The following FAM107B variants were observed in gnomAD, a reference collection of about 807,000 sequenced individuals.
The protein encoded by FAM107B is family with sequence similarity 107 member B, also known as protein FAM107B.
A neutral mutation model predicts 31.5 loss-of-function variants in FAM107B; 21 were observed. The ratio of observed to expected loss-of-function variants is 0.67; its 90% CI spans 0.47 to 0.96. The LOEUF (loss-of-function observed/expected upper bound fraction) is 0.96, where lower values mean the gene tolerates loss of function less well. FAM107B is among the 40% of genes least tolerant of loss of function. The pLI is 0.00. For missense variants in FAM107B, 452 were observed against 377.1 expected (o/e 1.20, Z -1.64); for synonymous variants, 157 against 141.5 (o/e 1.11, Z -0.78).
chr10:14,564,096 A>G (rs1850462203), intron 2 of FAM107B, among the ~76,000 whole-genome samples: 1 of 152,212 alleles, frequency 6.6e-6, no homozygotes, highest in South Asian at 2.1e-4. Flanking sequence ...ACATAGTAAA[A>G]TATCAATAGA....
intron 2 of FAM107B, among the ~76,000 whole-genome samples, chr10:14,611,454 A>G (rs752679015): frequency 4.7e-5 from 7 of 147,438 alleles, no homozygotes; most frequent in Non-Finnish European, 1.5e-5. Flanking sequence ...TGGAATGCTT[A>G]TATTATTAAT....
intron 1 of FAM107B, among the ~76,000 whole-genome samples, chr10:14,740,714 G>T (rs1392898086): frequency 6.6e-6 from 1 of 152,166 alleles, no homozygotes; most frequent in Admixed American, 6.5e-5. Context: ...GACAGTAAGA[G>T]GGGATTATGG....
rs59782461 is a variant in FAM107B at position 14,531,539 on chromosome 10, GAAA to G, written c.470-1027_470-1025del. On this transcript the variant is annotated intron_variant, in intron 2 of 4. Coordinates refer to ENST00000181796, the MANE Select transcript of FAM107B (RefSeq NM_031453.4). ...AAGACCTCATATCTCTAAAAGAAAA[GAAA>G]AAAAAAAAAAAAAAAGAGGCTGGGC... Among the ~76,000 whole-genome samples, 361 of 120,678 alleles carry G rather than the reference GAAA, an allele frequency of 3.0e-3. 1 individual carries two copies. The highest frequency in any genetic ancestry group is 5.7e-3 in the African/African-American group (189 of 33,230). The allele number at this position is 120,678 out of a possible 152,430, so 79.2% of individuals were successfully genotyped here.
chr10:14,554,420 G>A (rs1031714245), intron 2 of FAM107B, among the ~76,000 whole-genome samples: 2 of 152,156 alleles, frequency 1.3e-5, no homozygotes, highest in African/African-American at 2.4e-5. Flanking sequence ...ACTCAGACTG[G>A]GCAGGAGGAA....
At chr10:14,636,550 C>T (rs920651446) in intron 2 of FAM107B, among the ~76,000 whole-genome samples, 1 of 152,134 alleles carries the variant, frequency 6.6e-6, no homozygotes, top group African/African-American at 2.4e-5. Flanking sequence ...TCTAAATATT[C>T]TCTTTTTCTA....
At chr10:14,760,385 C>T (rs796874859) in intron 1 of FAM107B, among the ~76,000 whole-genome samples, 4 of 152,184 alleles carry the variant, frequency 2.6e-5, no homozygotes, top group African/African-American at 9.6e-5. Context: ...AGAGCAACTG[C>T]TTATACAGAA....
At chr10:14,560,651 A>G (rs1349254130) in intron 2 of FAM107B, among the ~76,000 whole-genome samples, 1 of 152,166 alleles carries the variant, frequency 6.6e-6, no homozygotes, top group Non-Finnish European at 1.5e-5. Flanking sequence ...GACAGGTATG[A>G]GGGACACTGT....
chr10:14,590,061 G>A (rs1851965960), intron 2 of FAM107B, among the ~76,000 whole-genome samples: 1 of 152,174 alleles, frequency 6.6e-6, no homozygotes, highest in East Asian at 1.9e-4. Flanking sequence ...TCCAGGATGA[G>A]TTTTGGTTCC....
At chr10:14,727,724 C>T (rs2131556493) in intron 1 of FAM107B, among the ~76,000 whole-genome samples, 1 of 152,280 alleles carries the variant, frequency 6.6e-6, no homozygotes, top group Admixed American at 6.5e-5. Context: ...AATCACTTCC[C>T]CACTCTCCCA....
At chr10:14,549,484 T>G (rs893498045) in intron 2 of FAM107B, among the ~76,000 whole-genome samples, 4 of 152,230 alleles carry the variant, frequency 2.6e-5, no homozygotes, top group Non-Finnish European at 4.4e-5. Flanking sequence ...TAAGGGGGCT[T>G]TGGCAAAAGT....
intron 1 of FAM107B, among the ~76,000 whole-genome samples, chr10:14,712,731 C>A (rs1855681805): frequency 6.6e-6 from 1 of 152,040 alleles, no homozygotes; most frequent in African/African-American, 2.4e-5. Context: ...TTTTAAAAAA[C>A]AACATAACAT....
At chr10:14,676,239 G>C (rs61255706) in intron 1 of FAM107B, among the ~76,000 whole-genome samples, 6,444 of 152,248 alleles carry the variant, frequency 0.042, 459 homozygotes, top group African/African-American at 0.15. Flanking sequence ...TGAATAGTCT[G>C]TTACTGGACG....
intron 2 of FAM107B, among the ~76,000 whole-genome samples, chr10:14,585,228 G>A (rs1320244001): frequency 6.6e-6 from 1 of 152,000 alleles, no homozygotes; most frequent in Non-Finnish European, 1.5e-5. Context: ...TGCTTTGTTT[G>A]TGCGTTTTGT....
intron 1 of FAM107B, among the ~76,000 whole-genome samples, chr10:14,765,842 G>A (rs1011027201): frequency 4.6e-5 from 7 of 152,150 alleles, no homozygotes; most frequent in African/African-American, 1.7e-4. Flanking sequence ...TCATTCTAAA[G>A]AAATGCAGGA....
chr10:14,713,705 T>C (rs184914776), intron 1 of FAM107B, among the ~76,000 whole-genome samples: 1 of 152,260 alleles, frequency 6.6e-6, no homozygotes, highest in Admixed American at 6.5e-5. Context: ...CATGTCAACC[T>C]TGAAAAAAAC....
At chr10:14,699,313 C>T (rs1855341574) in intron 1 of FAM107B, among the ~76,000 whole-genome samples, 1 of 152,140 alleles carries the variant, frequency 6.6e-6, no homozygotes. Context: ...TATTGTCTCA[C>T]ACAATTATGG....
intron 1 of FAM107B, among the ~76,000 whole-genome samples, chr10:14,698,004 A>C (rs1451085799): frequency 1.3e-5 from 2 of 152,162 alleles, no homozygotes; most frequent in Non-Finnish European, 2.9e-5. Context: ...ACGTGCCTGT[A>C]GTCCCAGCTA....
At chr10:14,580,596 G>A (rs888735545) in intron 2 of FAM107B, among the ~76,000 whole-genome samples, 1 of 152,086 alleles carries the variant, frequency 6.6e-6, no homozygotes, top group Non-Finnish European at 1.5e-5. Flanking sequence ...TTTTCCACAT[G>A]GAATGTTACA....
chr10:14,649,824 T>C (rs1009993973), intron 2 of FAM107B, among the ~76,000 whole-genome samples: 2 of 152,194 alleles, frequency 1.3e-5, no homozygotes, highest in Non-Finnish European at 2.9e-5. Flanking sequence ...TCGGAATACA[T>C]CTCTTCAAAT....
Sources: gnomAD v4.1 joint callset for allele counts (sites outside exome capture counted in the v4.1 genomes callset) on GRCh38, gnomAD v4.1.1 for gene constraint, MANE v1.5 for transcripts, NCBI Gene and HGNC (gene_info 2026-07-23, HGNC 2026-07-21) for gene names.